Variants in CKLF observed in about 807,000 individuals in gnomAD.
CKLF encodes chemokine like factor.
A neutral mutation model predicts 12.9 loss-of-function variants in CKLF; 16 were observed. The observed-to-expected ratio is 1.24, with a 90% CI of 0.84 to 1.88. CKLF has a LOEUF of 1.88. Among genes scored for constraint, CKLF ranks in the 40% most tolerant of loss-of-function variants. CKLF has a pLI of 0.00. For synonymous variants in CKLF, 61 were observed against 69.0 expected (o/e 0.88, Z 0.57); for missense variants, 172 against 188.5 (o/e 0.91, Z 0.51).
intron 1 of CKLF, 78 bp downstream of exon 1, chr16:66,552,871 G>A: frequency 6.2e-7 from 1 of 1,601,162 alleles, no homozygotes; most frequent in Non-Finnish European, 8.6e-7. Context: ...GTGCAAAGCT[G>A]AACGCCTGTT....
intron 2 of CKLF, among the ~76,000 whole-genome samples, chr16:66,560,264 A>G (rs1199470975): frequency 1.3e-5 from 2 of 152,168 alleles, no homozygotes; most frequent in East Asian, 3.8e-4. Context: ...TGAGTTGTGA[A>G]CAAGAGCTGG....
At chr16:66,552,955 G>A (rs187794341) in intron 1 of CKLF, among the ~76,000 whole-genome samples, 162 bp downstream of exon 1, 1 of 152,248 alleles carries the variant, frequency 6.6e-6, no homozygotes, top group East Asian at 1.9e-4. Flanking sequence ...AGAGAGATAC[G>A]GCACTGTCCT....
intron 1 of CKLF, among the ~76,000 whole-genome samples, chr16:66,554,883 G>C (rs1302911426): frequency 1.3e-5 from 2 of 152,152 alleles, no homozygotes; most frequent in East Asian, 3.9e-4. Flanking sequence ...AACTGGACTG[G>C]GGTGAGTGAG....
chr16:66,552,977 G>T (rs1212742379), intron 1 of CKLF, among the ~76,000 whole-genome samples, 184 bp downstream of exon 1: 1 of 152,162 alleles, frequency 6.6e-6, no homozygotes, highest in African/African-American at 2.4e-5. Context: ...CCCTTAGGAG[G>T]GTTTAGGGAC....
At chr16:66,565,756 A>C in intron 3 of CKLF, 130 bp from the exon 4 acceptor site, 1 of 775,578 alleles carries the variant, frequency 1.3e-6, no homozygotes, top group Middle Eastern at 3.8e-4. Context: ...TGTTAGTATT[A>C]GATGAAGCAC....
chr16:66,566,202 C>T (rs776802753), downstream of CKLF: 26 of 1,515,948 alleles, frequency 1.7e-5, no homozygotes, highest in East Asian at 4.9e-5. This position sits in a 1 kb window ranked among gnomAD's most constrained non-coding sequence, Gnocchi z 4.9. Flanking sequence ...TTCCGGCACC[C>T]GGGCCTGGGT....
At chr16:66,559,363 T>C (rs1257927035) in intron 2 of CKLF, among the ~76,000 whole-genome samples, 1 of 152,178 alleles carries the variant, frequency 6.6e-6, no homozygotes, top group Non-Finnish European at 1.5e-5. Context: ...AGCTGGGAAA[T>C]AGGATCTTCA....
chr16:66,553,307 G>GAA lies in CKLF; in HGVS notation c.78+525_78+526dup, dbSNP rs555475765. The GAA allele has an allele frequency of 6.3e-5, 9 of 143,242 alleles. No homozygotes were observed. In the South Asian group the frequency reaches 6.7e-4, roughly 11 times the overall value. The allele number at this position is 143,242 out of a possible 1,614,324, so 8.9% of individuals were successfully genotyped here. On this transcript the variant is annotated intron_variant, in intron 1 of 3. Coordinates refer to ENST00000264001, the MANE Select transcript of CKLF (RefSeq NM_016951.4). ...TCTCAGAAGCCCACAAGATTTGAAA[G>GAA]AAAAAAAAAAAAGCCTCAGGGGTTT...
intron 1 of CKLF, chr16:66,553,268 A>G (rs1490492156): frequency 6.5e-6 from 1 of 153,370 alleles, no homozygotes; most frequent in Non-Finnish European, 1.5e-5. Context: ...AGGCGAGACA[A>G]CTGCAGTTAT....
chr16:66,557,103 G>A (rs1035480960), intron 1 of CKLF, among the ~76,000 whole-genome samples: 1 of 152,006 alleles, frequency 6.6e-6, no homozygotes. Context: ...TGTTTAGGTG[G>A]GGTGTGTAAA....
intron 3 of CKLF, among the ~76,000 whole-genome samples, chr16:66,565,420 T>C (rs2012165642): frequency 6.6e-6 from 1 of 152,264 alleles, no homozygotes; most frequent in African/African-American, 2.4e-5. Context: ...GATCATCTTA[T>C]TAACTCCAGT....
Position 66,566,020 on chromosome 16 carries a change from TAC to T in CKLF, c.*10_*11del. The T allele has an allele frequency of 6.2e-7, 1 of 1,608,956 alleles. No individual in the cohort carries two copies. Among genetic ancestry groups the T allele is most frequent in the Non-Finnish European group, 8.5e-7 (1 of 1,175,842 alleles). On this transcript the variant is annotated 3_prime_UTR_variant, in exon 4 of 4. Transcript: ENST00000264001. The surrounding 1 kb of genome is among the most constrained non-coding windows in gnomAD (Gnocchi z 4.9). The stretch of plus-strand genomic sequence containing the variant: ...AAAAAGAAGTTTTGTAATTTTATAT[TAC>T]TTTTTAGTTTGATACTAAGTATTAA...
At chr16:66,556,540 G>A (rs1567549227) in intron 1 of CKLF, among the ~76,000 whole-genome samples, 2 of 152,192 alleles carry the variant, frequency 1.3e-5, no homozygotes, top group South Asian at 4.1e-4. Context: ...AGGAAATGGA[G>A]TAATCACCAG....
At chr16:66,561,267 C>G (rs1204298979) in intron 2 of CKLF, among the ~76,000 whole-genome samples, 4 of 151,868 alleles carry the variant, frequency 2.6e-5, no homozygotes, top group Non-Finnish European at 5.9e-5. Context: ...TTGTTCCCCC[C>G]CGAGAGCCCC....
intron 2 of CKLF, 110 bp from the exon 3 acceptor site, chr16:66,563,012 T>C: frequency 7.9e-7 from 1 of 1,262,056 alleles, no homozygotes; most frequent in Non-Finnish European, 1.1e-6. Context: ...CAGTGCATTC[T>C]GCCTGCTGAC....
At chr16:66,556,129 G>A (rs1354279182) in intron 1 of CKLF, among the ~76,000 whole-genome samples, 1 of 152,088 alleles carries the variant, frequency 6.6e-6, no homozygotes, top group Non-Finnish European at 1.5e-5. Flanking sequence ...CATTTTACAG[G>A]GGAGAATAAA....
chr16:66,564,383 G>A (rs2011984943), intron 3 of CKLF, among the ~76,000 whole-genome samples: 1 of 151,866 alleles, frequency 6.6e-6, no homozygotes, highest in Non-Finnish European at 1.5e-5. Context: ...AGAATATTTT[G>A]TTAATAACTT....
At position 66,552,608 on chromosome 16, in the gene CKLF, A is replaced by G; in HGVS notation, c.-108A>G. On this transcript the variant is annotated 5_prime_UTR_variant, in exon 1 of 4. Transcript: ENST00000264001. Reference sequence around the variant, plus strand: ...AGCCGAGCTGGGCGAGAAGTAGGGGAGGGCGGTGCTCCGCCGCGGTGGCGG... The same window carrying G: ...AGCCGAGCTGGGCGAGAAGTAGGGGGGGGCGGTGCTCCGCCGCGGTGGCGG... 6.5e-7 allele frequency: 1 copy of G among 1,545,518 alleles called. No homozygotes were observed. Among genetic ancestry groups the G allele is most frequent in the Non-Finnish European group, 8.9e-7 (1 of 1,124,806 alleles).
rs2011868688 is a variant in CKLF at position 66,563,169 on chromosome 16, T to C, written c.285T>C (p.Ser95=). ...LVTTVFMLIV[S]VLALIPETTT... Reference sequence around the variant, plus strand: ...CAACAGTATTCATGCTCATCGTATCTGTGTTGGCACTGATACCAGAAACCA... The same window carrying C: ...CAACAGTATTCATGCTCATCGTATCCGTGTTGGCACTGATACCAGAAACCA... The change falls in exon 3 of 4, where the codon TCT becomes TCC. Residue 95 remains serine, a synonymous_variant. Coordinates refer to ENST00000264001, the MANE Select transcript of CKLF (RefSeq NM_016951.4). The C allele has an allele frequency of 6.2e-7, 1 of 1,614,106 alleles. No homozygotes were observed. Among genetic ancestry groups the C allele is most frequent in the Non-Finnish European group, 8.5e-7 (1 of 1,180,048 alleles).
Sources: allele counts gnomAD v4.1 joint callset (sites outside exome capture counted in the v4.1 genomes callset), GRCh38; gene constraint gnomAD v4.1.1; non-coding constraint Gnocchi (gnomAD v3.1); transcripts MANE v1.5; gene names NCBI Gene and HGNC (gene_info 2026-07-23, HGNC 2026-07-21).